The following GCKR variants were observed in gnomAD, a reference collection of about 807,000 sequenced individuals.
GCKR encodes the protein glucokinase regulator.
Under a neutral mutation model 82.9 loss-of-function variants are expected in GCKR, and 73 were observed. The observed-to-expected ratio is 0.88, with a 90% CI of 0.73 to 1.07. The LOEUF (loss-of-function observed/expected upper bound fraction) is 1.07, where lower values mean the gene tolerates loss of function less well. Among genes scored for constraint, GCKR ranks in the 50% least tolerant of loss-of-function variants. The pLI, the probability that GCKR is intolerant of heterozygous loss-of-function variation, is 0.00. For synonymous variants in GCKR, 294 were observed against 291.8 expected, an observed-to-expected ratio of 1.01 and a Z score of -0.08; for missense variants, 784 against 782.1, an observed-to-expected ratio of 1.00 and a Z score of -0.03.
chr2:27,521,792 G>A (rs188971955), intron 17 of GCKR, among the ~76,000 whole-genome samples: 4 of 151,814 alleles, frequency 2.6e-5, no homozygotes, highest in South Asian at 2.1e-4. Context: ...GGCACCATCC[G>A]GCTCACTACA....
intron 9 of GCKR, among the ~76,000 whole-genome samples, chr2:27,505,318 C>T (rs1211187501): frequency 1.4e-5 from 2 of 143,174 alleles, no homozygotes; most frequent in African/African-American, 5.3e-5. Flanking sequence ...ATGGCGTGAA[C>T]CCAGGAGGCA....
At chr2:27,506,271 T>C (rs1669739781) in intron 10 of GCKR, among the ~76,000 whole-genome samples, 1 of 152,176 alleles carries the variant, frequency 6.6e-6, no homozygotes, top group Non-Finnish European at 1.5e-5. Context: ...GCTGCACTCG[T>C]CCCTCTTTCT....
rs1004399447 is a variant in GCKR at position 27,510,289 on chromosome 2, G to A, written c.1422+2038G>A. Among the ~76,000 whole-genome samples the A allele has an allele frequency of 5.3e-5, 8 of 152,112 alleles. No homozygotes were observed. In the East Asian group the frequency reaches 5.8e-4, roughly 11 times the overall value. ...CTCCCAAAGTGCTGCGATTACAGGC[G>A]TGAGCCACCACGCCCGGCCACTACT... On this transcript the variant is annotated intron_variant, in intron 16 of 18. Transcript: ENST00000264717.
In GCKR at chr2:27,498,727, T is replaced by A; in HGVS notation, c.358T>A (p.Ser120Thr). Reference protein sequence around the residue: ...SGRMAFLMSVSFNQLMKGLGQ... With the variant: ...SGRMAFLMSVTFNQLMKGLGQ... ...ACATCCTCTCCCTGCTTGACAGGTGTCCTTTAATCAGCTGATGAAAGGTCT... is the reference window on the plus strand; with the variant it reads ...ACATCCTCTCCCTGCTTGACAGGTGACCTTTAATCAGCTGATGAAAGGTCT... The change falls in exon 5 of 19, where the codon TCC becomes ACC. Residue 120 changes from serine (S) to threonine (T), a missense_variant. Coordinates refer to ENST00000264717, the MANE Select transcript of GCKR (RefSeq NM_001486.4). 6.3e-7 allele frequency: 1 copy of A among 1,588,018 alleles called. No homozygotes were observed. The highest frequency in any genetic ancestry group is 2.2e-5 in the East Asian group (1 of 44,748).
chr2:27,498,853 A>G (rs553186246), intron 5 of GCKR, 56 bp downstream of exon 5: 14 of 1,021,276 alleles, frequency 1.4e-5, no homozygotes, highest in African/African-American at 1.3e-4. Context: ...TTTCTTAGAA[A>G]TTGAGTTGGA....
rs1669715402 is a variant in GCKR, at chr2:27,505,701, T to C, written c.751-17T>C. The C allele has an allele frequency of 2.9e-6, 4 of 1,389,138 alleles. No homozygotes were observed. The South Asian group carries it at 4.6e-5, about 16-fold the overall frequency. 86.1% of individuals were successfully genotyped at this position (1,389,138 alleles called of 1,614,324 possible). A position where few individuals can be genotyped will look rare whatever the true frequency, so the allele number is the denominator to read the frequency against. ...TCATCCTCTCCCAATTCCTCTTGGG[T>C]GTCTTCACCTCTTCAGCCCGAGGGT... On this transcript the variant is annotated splice_polypyrimidine_tract_variant and intron_variant, in intron 9 of 18. Transcript: ENST00000264717.
chr2:27,510,597 G>C (rs1558439557), intron 16 of GCKR, among the ~76,000 whole-genome samples: 1 of 152,168 alleles, frequency 6.6e-6, no homozygotes, highest in Non-Finnish European at 1.5e-5. Context: ...GAAGTTGCTT[G>C]TTCCCTTACA....
At chr2:27,516,438 G>T (rs1343092011) in intron 16 of GCKR, among the ~76,000 whole-genome samples, 1 of 151,558 alleles carries the variant, frequency 6.6e-6, no homozygotes, top group Admixed American at 6.6e-5. Context: ...TTACAGGCAC[G>T]CGCCACTACA....
At chr2:27,498,667 C>G in intron 4 of GCKR, 57 bp from the exon 5 acceptor site, 2 of 1,088,778 alleles carry the variant, frequency 1.8e-6, no homozygotes, top group Non-Finnish European at 2.9e-6. Flanking sequence ...GTTGAAAATC[C>G]AAGATAATTG....
At chr2:27,515,765 A>ATATATATATATATT (rs1286679766) in intron 16 of GCKR, among the ~76,000 whole-genome samples, 4 of 106,930 alleles carry the variant, frequency 3.7e-5, no homozygotes, top group African/African-American at 1.5e-4. Flanking sequence ...ATATATATAT[A>ATATATATATATATT]TTTTTTTTTT....
At chr2:27,504,980 G>C (rs1415573792) in intron 9 of GCKR, among the ~76,000 whole-genome samples, 1 of 151,836 alleles carries the variant, frequency 6.6e-6, no homozygotes, top group Admixed American at 6.6e-5. Flanking sequence ...ACAAAAATTA[G>C]CCGGGCGTGG....
At chr2:27,497,017 T>TC (rs1669428814) in intron 1 of GCKR, 53 bp downstream of exon 1, 1 of 1,451,256 alleles carries the variant, frequency 6.9e-7, no homozygotes, top group Non-Finnish European at 9.7e-7. Context: ...GAATTATTTT[T>TC]CATCCAGTCT....
Position 27,497,611 on chromosome 2 carries a change from A to G in GCKR, c.266A>G (p.Lys89Arg), listed in dbSNP as rs1401758002. The change falls in exon 3 of 19, where the codon AAA (lysine) becomes AGA (arginine). Residue 89 changes from lysine to arginine, a missense_variant. Coordinates refer to ENST00000264717, the MANE Select transcript of GCKR (RefSeq NM_001486.4). ...ILTTMVQVAG[K>R]VQEVLKEPDG... ...ACCACCATGGTACAGGTGGCTGGGA[A>G]AGTTCAGGAAGTGCTGAAGGTACTA... 6.2e-7 allele frequency: 1 copy of G among 1,610,272 alleles called. No homozygotes were observed. Among genetic ancestry groups the G allele is most frequent in the African/African-American group, 1.3e-5 (1 of 74,842 alleles).
intron 17 of GCKR, among the ~76,000 whole-genome samples, chr2:27,520,973 G>A (rs756923587): frequency 1.3e-5 from 2 of 152,104 alleles, no homozygotes; most frequent in African/African-American, 2.4e-5. Context: ...GAATCTGGGA[G>A]GTGGAGGTTT....
chr2:27,508,332 T>A, intron 16 of GCKR, 81 bp downstream of exon 16: 2 of 983,028 alleles, frequency 2.0e-6, no homozygotes, highest in Non-Finnish European at 3.3e-6. Flanking sequence ...CCCAAGGCTG[T>A]AGGGCAGAAA....
chr2:27,497,677 C>T, intron 3 of GCKR, 47 bp downstream of exon 3: 1 of 1,186,608 alleles, frequency 8.4e-7, no homozygotes, highest in Non-Finnish European at 1.3e-6. Context: ...CTGTTTCCCT[C>T]TTTCTCTTTT....
rs774232277 is a variant in GCKR, at chr2:27,518,797, C to T, written c.1432C>T (p.Arg478Cys). 15 of 1,613,046 alleles carry T rather than the reference C, an allele frequency of 9.3e-6. 1 individual carries two copies. The highest frequency in any genetic ancestry group is 3.3e-5 in the South Asian group (3 of 91,062). Residue 478 changes from arginine (R) to cysteine (C), a missense_variant, in exon 17 of 19, where the codon CGT becomes TGT. Transcript: ENST00000264717. ...TGTCTGCCCTTTTCAGAAGTTCCAG[C>T]GTGAGCTAAGCACCAAATGGGTGCT... ...YEGNFIQKFQRELSTKWVLNT... is the reference protein window; with the variant it reads ...YEGNFIQKFQCELSTKWVLNT...
chr2:27,516,758 A>G (rs1283247069), intron 16 of GCKR, among the ~76,000 whole-genome samples: 3 of 152,172 alleles, frequency 2.0e-5, no homozygotes, highest in Non-Finnish European at 2.9e-5. Context: ...ACCTAGATCT[A>G]ATTGACCTCT....
chr2:27,501,022 C>T, intron 7 of GCKR, 113 bp from the exon 8 acceptor site: 1 of 833,914 alleles, frequency 1.2e-6, no homozygotes, highest in Non-Finnish European at 2.1e-6. Context: ...GTAACTGTAC[C>T]TGGGAATCTG....
Sources: gnomAD v4.1 joint callset for allele counts (sites outside exome capture counted in the v4.1 genomes callset) on GRCh38, gnomAD v4.1.1 for gene constraint, MANE v1.5 for transcripts, NCBI Gene and HGNC (gene_info 2026-07-23, HGNC 2026-07-21) for gene names.